REPS2: variants seen among roughly 807,000 people sequenced by gnomAD.
REPS2 encodes RALBP1 associated Eps domain containing 2.
A neutral mutation model predicts 53.6 loss-of-function variants in REPS2; 23 were observed. The observed-to-expected ratio is 0.43, with a 90% confidence interval of 0.31 to 0.61. REPS2 has a LOEUF of 0.61. Among genes scored for constraint, REPS2 ranks in the 20% least tolerant of loss-of-function variants. REPS2 has a pLI of 0.11. For missense variants in REPS2, 446 were observed against 534.9 expected, an observed-to-expected ratio of 0.83 and a Z score of 1.64; for synonymous variants, 238 against 218.6, an observed-to-expected ratio of 1.09 and a Z score of -0.78.
At chrX:17,120,583 T>C (rs2063128372) in intron 14 of REPS2, among the ~76,000 whole-genome samples, 1 of 111,204 alleles carries the variant, frequency 9.0e-6, no homozygotes, top group Admixed American at 9.5e-5. Flanking sequence ...GAAACAGAGG[T>C]GGGGTCTAGT....
At chrX:17,076,789 T>C (rs1185026686) in intron 12 of REPS2, among the ~76,000 whole-genome samples, 1 of 111,633 alleles carries the variant, frequency 9.0e-6, no homozygotes, top group Non-Finnish European at 1.9e-5. Context: ...CCAGCTTCGT[T>C]TGTGGCATAT....
rs10559340 is a variant in REPS2, at chrX:17,013,624, C to CTG, written c.397+7320_397+7321dup. Among the ~76,000 whole-genome samples the CTG allele has an allele frequency of 4.6e-3, 465 of 100,205 alleles. 2 individuals are homozygous for CTG. Among genetic ancestry groups the CTG allele is most frequent in the South Asian group, 0.013 (27 of 2,014 alleles). 87.0% of individuals were successfully genotyped at this position (100,205 alleles called of 115,157 possible). A position where few individuals can be genotyped will look rare whatever the true frequency, so the allele number is the denominator to read the frequency against. On this transcript the variant is annotated intron_variant, in intron 2 of 17. Coordinates refer to ENST00000357277, the MANE Select transcript of REPS2 (RefSeq NM_004726.3). ...CCAGGAGGTAAGGTTGTAGCTGGCT[C>CTG]TGTGTGTGTGTGTGTGTGTGTGTGT...
chrX:16,958,591 A>G (rs1328212136), intron 1 of REPS2, among the ~76,000 whole-genome samples: 1 of 112,144 alleles, frequency 8.9e-6, no homozygotes, highest in South Asian at 3.7e-4. Context: ...CTCCCTCTAC[A>G]GGAACAATAG....
chrX:17,016,512 C>G (rs1186852155), intron 2 of REPS2, among the ~76,000 whole-genome samples: 1 of 112,494 alleles, frequency 8.9e-6, no homozygotes, highest in Non-Finnish European at 1.9e-5. Context: ...TGTGTTCAAG[C>G]TATTCTCCTG....
intron 3 of REPS2, among the ~76,000 whole-genome samples, chrX:17,024,375 T>TG (rs1444016927): frequency 9.5e-6 from 1 of 104,882 alleles, no homozygotes; most frequent in Non-Finnish European, 2.0e-5. Flanking sequence ...TTTTTTTTTT[T>TG]TTTTTTTTTT....
chrX:17,040,808 T>C (rs1425962489), intron 5 of REPS2, among the ~76,000 whole-genome samples: 1 of 112,060 alleles, frequency 8.9e-6, no homozygotes, highest in Non-Finnish European at 1.9e-5. Flanking sequence ...ATTGTCTGCA[T>C]AGATAATCAA....
chrX:17,145,724 A>G (rs1288302443), intron 17 of REPS2, among the ~76,000 whole-genome samples: 1 of 110,604 alleles, frequency 9.0e-6, no homozygotes, highest in Non-Finnish European at 1.9e-5. Context: ...CCCTGCTTCC[A>G]CTCTCATCCT....
the REPS2 span, among the ~76,000 whole-genome samples, chrX:17,161,931 C>T: frequency 8.9e-6 from 1 of 111,865 alleles, no homozygotes; most frequent in African/African-American, 3.2e-5. Flanking sequence ...TGGAAAAGAT[C>T]CTAGAGGTAT....
At chrX:17,172,582 T>C in the REPS2 span, among the ~76,000 whole-genome samples, 1 of 112,059 alleles carries the variant, frequency 8.9e-6, no homozygotes, top group Non-Finnish European at 1.9e-5. Context: ...GGTAGTTCTT[T>C]ATAGCAATGT....
chrX:17,068,014 A>T (rs2062247648), intron 9 of REPS2, among the ~76,000 whole-genome samples: 1 of 112,315 alleles, frequency 8.9e-6, no homozygotes, highest in Non-Finnish European at 1.9e-5. Flanking sequence ...AAGAAATAAT[A>T]GCTTTTAAGA....
the REPS2 span, among the ~76,000 whole-genome samples, chrX:17,182,140 G>GTCTGTCTATCTATCTA: frequency 4.0e-5 from 4 of 101,257 alleles, no homozygotes; most frequent in Middle Eastern, 5.1e-3. Flanking sequence ...TGCTCTATCT[G>GTCTGTCTATCTATCTA]TCTATCTATC....
chrX:17,171,280 A>G, the REPS2 span, among the ~76,000 whole-genome samples: 1 of 111,905 alleles, frequency 8.9e-6, no homozygotes, highest in Admixed American at 9.4e-5. Context: ...GACCTGGTTC[A>G]CCTCACACCA....
At chrX:17,019,607 T>C (rs2061545648) in intron 2 of REPS2, among the ~76,000 whole-genome samples, 1 of 111,520 alleles carries the variant, frequency 9.0e-6, no homozygotes, top group Admixed American at 9.6e-5. Context: ...GAGGATCGCT[T>C]GAGCTCAGGA....
chrX:17,147,419 C>T lies in REPS2; in HGVS notation c.1921C>T (p.His641Tyr). 1 of 1,206,291 alleles carries T rather than the reference C, an allele frequency of 8.3e-7. No individual in the cohort carries two copies. The highest frequency in any genetic ancestry group is 1.1e-6 in the Non-Finnish European group (1 of 891,545). ...TGTGTTTTGTACAACTCAGGAGGTTCATCAAGAACGAATTGCATTGGAAAA... is the reference window on the plus strand; with the variant it reads ...TGTGTTTTGTACAACTCAGGAGGTTTATCAAGAACGAATTGCATTGGAAAA... Reference protein sequence around the residue: ...SELQQQLKEVHQERIALENQL... With the variant: ...SELQQQLKEVYQERIALENQL... Residue 641 changes from histidine (H) to tyrosine (Y), a missense_variant, in exon 18 of 18, where the codon CAT becomes TAT. Physicochemically the swap from His to Tyr is moderately conservative, Grantham distance 83 (BLOSUM62 2). Coordinates refer to ENST00000357277, the MANE Select transcript of REPS2 (RefSeq NM_004726.3).
intron 2 of REPS2, among the ~76,000 whole-genome samples, chrX:17,016,011 A>G (rs933075976): frequency 5.4e-5 from 6 of 111,773 alleles, no homozygotes. Context: ...TGATTGAACT[A>G]GTTTACAGTC....
In REPS2 at chrX:17,032,512, A is replaced by G. The variant is rs1183687727; in HGVS notation, c.771+2889A>G. ...TCCGTGTTCCAGAAAGCAAAATGCC[A>G]ACCTGGATTAGTCATGTAGATGAGG... On this transcript the variant is annotated intron_variant, in intron 5 of 17. Transcript: ENST00000357277. 1.6e-4 allele frequency among the ~76,000 whole-genome samples: 18 copies of G among 111,701 alleles called. 1 individual carries two copies. The Admixed American group carries it at 1.7e-3, about 11-fold the overall frequency.
At chrX:17,178,112 G>C in the REPS2 span, among the ~76,000 whole-genome samples, 6 of 112,107 alleles carry the variant, frequency 5.4e-5, no homozygotes, top group Non-Finnish European at 9.4e-5. Flanking sequence ...GGAAGGCCAT[G>C]GTTTATGTTT....
chrX:17,007,085 T>G (rs2061370455), intron 2 of REPS2, among the ~76,000 whole-genome samples: 1 of 112,380 alleles, frequency 8.9e-6, no homozygotes, highest in Non-Finnish European at 1.9e-5. Context: ...CATACAGGTA[T>G]GTAGGAACTT....
chrX:16,981,286 T>C (rs1316078842), intron 1 of REPS2, among the ~76,000 whole-genome samples: 2 of 111,788 alleles, frequency 1.8e-5, no homozygotes, highest in Non-Finnish European at 3.8e-5. Context: ...TGGGGACTGA[T>C]CTGAGGTTTA....
Sources: allele counts gnomAD v4.1 joint callset (sites outside exome capture counted in the v4.1 genomes callset), GRCh38; gene constraint gnomAD v4.1.1; transcripts MANE v1.5; gene names NCBI Gene and HGNC (gene_info 2026-07-23, HGNC 2026-07-21).